FHL2: variants seen among roughly 807,000 people sequenced by gnomAD.
FHL2 encodes the protein four and a half LIM domains 2.
A neutral mutation model predicts 32.7 loss-of-function variants in FHL2; 20 were observed. That is an observed-to-expected ratio of 0.61 (90% CI 0.43 to 0.89). FHL2 has a LOEUF of 0.89. FHL2 is among the 40% of genes least tolerant of loss of function. FHL2 has a pLI of 0.00. For missense variants in FHL2, 311 were observed against 358.6 expected, an observed-to-expected ratio of 0.87 and a Z score of 1.07; for synonymous variants, 123 against 128.1, an observed-to-expected ratio of 0.96 and a Z score of 0.27.
intron 1 of FHL2, among the ~76,000 whole-genome samples, chr2:105,415,604 A>G (rs960402137): frequency 6.6e-6 from 1 of 152,222 alleles, no homozygotes; most frequent in African/African-American, 2.4e-5. Context: ...ATGGGCAGGG[A>G]AATAATATGT....
intron 3 of FHL2, among the ~76,000 whole-genome samples, chr2:105,380,513 G>A (rs147557101): frequency 6.6e-6 from 1 of 152,156 alleles, no homozygotes; most frequent in African/African-American, 2.4e-5. Context: ...ACAGGCATGA[G>A]CCACCACGCC....
intron 1 of FHL2, among the ~76,000 whole-genome samples, chr2:105,421,579 G>A (rs370680289): frequency 7.1e-6 from 1 of 140,720 alleles, no homozygotes; most frequent in African/African-American, 3.3e-5. Flanking sequence ...GCAACAAAAT[G>A]CTCCAGATGA....
At chr2:105,422,579 A>C (rs1431306545) in intron 1 of FHL2, among the ~76,000 whole-genome samples, 1 of 151,836 alleles carries the variant, frequency 6.6e-6, no homozygotes, top group African/African-American at 2.4e-5. Context: ...CAACAGGACC[A>C]TGAAAATCAA....
At chr2:105,364,304 C>T (rs533656945) in intron 5 of FHL2, among the ~76,000 whole-genome samples, 1 of 152,246 alleles carries the variant, frequency 6.6e-6, no homozygotes, top group East Asian at 1.9e-4. Context: ...GTGGTAACCT[C>T]TCCAATGCCA....
At chr2:105,414,241 C>T (rs555631718) in intron 1 of FHL2, among the ~76,000 whole-genome samples, 1 of 152,174 alleles carries the variant, frequency 6.6e-6, no homozygotes, top group African/African-American at 2.4e-5. Context: ...CTCCAGGAAC[C>T]TCCCTATGTT....
intron 3 of FHL2, 190 bp downstream of exon 3, chr2:105,386,171 G>T (rs950629749): frequency 2.8e-5 from 16 of 562,848 alleles, no homozygotes. Flanking sequence ...CCCTCACCCA[G>T]TGCTTGTGGG....
At chr2:105,389,348 A>T (rs1259594876) in intron 2 of FHL2, among the ~76,000 whole-genome samples, 1 of 152,232 alleles carries the variant, frequency 6.6e-6, no homozygotes, top group Non-Finnish European at 1.5e-5. Flanking sequence ...GTAATTGTTC[A>T]GTTATTGGCC....
In FHL2 at chr2:105,363,365, C is replaced by T. The variant is rs1187863185; in HGVS notation, c.608G>A (p.Arg203His). The T allele has an allele frequency of 3.1e-6, 5 of 1,614,190 alleles. No homozygotes were observed. Among genetic ancestry groups the T allele is most frequent in the East Asian group, 2.2e-5 (1 of 44,878 alleles). ...GTTCAGGCAGTAGGCAAAGTCATCG[C>T]GAGCTGTGAAGCGCTGCCCAGACAG... ...KQLSGQRFTA[R>H]DDFAYCLNCF... is the part of the protein sequence containing the mutation. Residue 203 changes from arginine to histidine, a missense_variant, in exon 6 of 7, where the codon CGC (arginine) becomes CAC (histidine). By Grantham distance (29) the Arg-to-His change is conservative. Transcript: ENST00000530340.
intron 1 of FHL2, chr2:105,396,902 C>T (rs1558715477): frequency 3.6e-6 from 2 of 558,032 alleles, no homozygotes; most frequent in African/African-American, 1.9e-5. Flanking sequence ...CAGAGAGCCG[C>T]TTAGCGACTC....
chr2:105,393,658 G>C (rs575705432), intron 2 of FHL2, among the ~76,000 whole-genome samples: 2 of 152,234 alleles, frequency 1.3e-5, no homozygotes, highest in African/African-American at 4.8e-5. Context: ...ATGAATTGAC[G>C]GGTGGATGAA....
At chr2:105,430,392 C>T (rs564206452) in intron 1 of FHL2, among the ~76,000 whole-genome samples, 23 of 152,298 alleles carry the variant, frequency 1.5e-4, no homozygotes, top group African/African-American at 4.1e-4. Context: ...ATAGGCCAGG[C>T]GAGGTGGCTC....
intron 1 of FHL2, among the ~76,000 whole-genome samples, chr2:105,424,982 G>A (rs777007283): frequency 6.0e-4 from 91 of 151,966 alleles, no homozygotes; most frequent in Middle Eastern, 3.4e-3. Context: ...TAACAAACCT[G>A]CACATTCCGT....
At chr2:105,400,953 A>C (rs1465013808), upstream of FHL2, among the ~76,000 whole-genome samples, 1 of 152,034 alleles carries the variant, frequency 6.6e-6, no homozygotes, top group Non-Finnish European at 1.5e-5. Context: ...GGAAACAAAC[A>C]TACCCAGTTT....
chr2:105,413,346 G>A (rs895162116), intron 1 of FHL2, among the ~76,000 whole-genome samples: 10 of 152,132 alleles, frequency 6.6e-5, no homozygotes, highest in East Asian at 5.8e-4. Flanking sequence ...TCAGACTAAC[G>A]AAACGATTTA....
intron 3 of FHL2, chr2:105,374,075 A>G (rs1681292808): frequency 6.1e-6 from 2 of 326,006 alleles, no homozygotes; most frequent in African/African-American, 4.3e-5. Context: ...TTCGTCTCAC[A>G]CCACATCCGG....
intron 1 of FHL2, among the ~76,000 whole-genome samples, chr2:105,419,982 A>AT (rs1684050753): frequency 6.6e-6 from 1 of 152,146 alleles, no homozygotes; most frequent in African/African-American, 2.4e-5. Context: ...GAGGGGATGC[A>AT]TTGGCCAAGG....
At chr2:105,425,898 G>A (rs1282775849) in intron 1 of FHL2, among the ~76,000 whole-genome samples, 1 of 152,140 alleles carries the variant, frequency 6.6e-6, no homozygotes, top group Non-Finnish European at 1.5e-5. Context: ...GGAATTCAGA[G>A]GCCGGTGCCG....
intron 1 of FHL2, among the ~76,000 whole-genome samples, chr2:105,414,137 A>G (rs138452735): frequency 1.3e-5 from 2 of 152,248 alleles, no homozygotes; most frequent in East Asian, 3.9e-4. Flanking sequence ...CTTTATTAAT[A>G]TTTACCATGT....
intron 6 of FHL2, chr2:105,363,008 T>C (rs1680386822): frequency 5.0e-6 from 2 of 401,444 alleles, no homozygotes; most frequent in Non-Finnish European, 9.1e-6. Context: ...GCTCACAGAC[T>C]GCAGTTTTAG....
Sources: gnomAD v4.1 joint callset for allele counts (sites outside exome capture counted in the v4.1 genomes callset) on GRCh38, gnomAD v4.1.1 for gene constraint, MANE v1.5 for transcripts, NCBI Gene and HGNC (gene_info 2026-07-23, HGNC 2026-07-21) for gene names.